Variants in PTPRD observed in about 807,000 individuals in gnomAD.
PTPRD encodes the protein protein tyrosine phosphatase receptor type D.
PTPRD carries 34 observed loss-of-function variants against 214.5 expected under a neutral mutation model. The observed-to-expected ratio is 0.16, with a 90% CI of 0.12 to 0.21. The LOEUF is 0.21. Ranked by LOEUF, PTPRD falls within the 10% of genes least tolerant of loss-of-function variation. The probability of loss-of-function intolerance (pLI) is 1.00; values close to 1 mark genes in which losing one functional copy is unlikely to be tolerated. For synonymous variants in PTPRD, 1,128 were observed against 845.7 expected, an observed-to-expected ratio of 1.33 and a Z score of -5.79; for missense variants, 2,545 against 2,398.7, an observed-to-expected ratio of 1.06 and a Z score of -1.27.
intron 3 of PTPRD, among the ~76,000 whole-genome samples, chr9:10,091,761 T>C (rs1289985448): frequency 7.7e-6 from 1 of 130,140 alleles, no homozygotes; most frequent in Non-Finnish European, 1.6e-5. Flanking sequence ...ATATTCTTCA[T>C]AAATAAGAAT....
chr9:9,814,169 A>G (rs532500863), intron 5 of PTPRD, among the ~76,000 whole-genome samples: 2 of 152,300 alleles, frequency 1.3e-5, no homozygotes, highest in East Asian at 3.9e-4. Flanking sequence ...GCCACATGTG[A>G]CAAGCCAAAA....
intron 10 of PTPRD, among the ~76,000 whole-genome samples, chr9:9,096,117 G>A (rs1412557671): frequency 6.6e-6 from 1 of 152,180 alleles, no homozygotes; most frequent in Non-Finnish European, 1.5e-5. Context: ...ATACAAAGTA[G>A]CAGATATGTA....
At chr9:9,125,945 T>C (rs1047992482) in intron 10 of PTPRD, among the ~76,000 whole-genome samples, 18 of 152,122 alleles carry the variant, frequency 1.2e-4, no homozygotes, top group African/African-American at 4.1e-4. Flanking sequence ...AAGGGGTGAA[T>C]GGTCCAGGCA....
chr9:10,026,460 T>A (rs1411088526), intron 4 of PTPRD, among the ~76,000 whole-genome samples: 1 of 152,196 alleles, frequency 6.6e-6, no homozygotes, highest in Non-Finnish European at 1.5e-5. Flanking sequence ...AAAGTCAAGT[T>A]GCCTGCCTAA....
chr9:8,916,654 T>C (rs1291505245), intron 11 of PTPRD, among the ~76,000 whole-genome samples: 1 of 152,192 alleles, frequency 6.6e-6, no homozygotes, highest in African/African-American at 2.4e-5. Context: ...CAGTGAAATC[T>C]GCTTAATATA....
At chr9:10,140,731 C>A (rs1210894758) in intron 3 of PTPRD, among the ~76,000 whole-genome samples, 1 of 152,112 alleles carries the variant, frequency 6.6e-6, no homozygotes, top group Non-Finnish European at 1.5e-5. Context: ...AAAAGGGAAT[C>A]CTCCCTAACT....
chr9:9,913,134 A>C (rs1330018119), intron 5 of PTPRD, among the ~76,000 whole-genome samples: 1 of 143,598 alleles, frequency 7.0e-6, no homozygotes, highest in Non-Finnish European at 1.5e-5. Flanking sequence ...AATAAAAAAT[A>C]ATTCCAAATT....
intron 11 of PTPRD, among the ~76,000 whole-genome samples, chr9:8,914,052 T>C (rs1190342714): frequency 1.3e-5 from 2 of 152,132 alleles, no homozygotes; most frequent in African/African-American, 4.8e-5. Context: ...ACAATCAGAC[T>C]AATGAATACG....
intron 9 of PTPRD, among the ~76,000 whole-genome samples, chr9:9,223,552 C>G (rs1238110276): frequency 6.6e-6 from 1 of 151,898 alleles, no homozygotes; most frequent in African/African-American, 2.4e-5. Context: ...GATGAAACAG[C>G]CTATGCCTAA....
At chr9:8,565,766 T>A (rs998438199) in intron 14 of PTPRD, among the ~76,000 whole-genome samples, 1 of 152,230 alleles carries the variant, frequency 6.6e-6, no homozygotes, top group African/African-American at 2.4e-5. Context: ...TTGTTCTGCA[T>A]AGTTTATGAG....
At chr9:10,394,065 T>G (rs1359819508) in intron 2 of PTPRD, among the ~76,000 whole-genome samples, 56 of 144,668 alleles carry the variant, frequency 3.9e-4, no homozygotes, top group African/African-American at 1.2e-3. Context: ...ATTATATATA[T>G]ATATATATAT....
chr9:8,658,555 C>T (rs1451526588), intron 12 of PTPRD, among the ~76,000 whole-genome samples: 1 of 151,964 alleles, frequency 6.6e-6, no homozygotes, highest in African/African-American at 2.4e-5. Context: ...TTCAGTATTT[C>T]CTCCAAGAGG....
chr9:8,674,316 G>C (rs1380569470), intron 12 of PTPRD, among the ~76,000 whole-genome samples: 1 of 151,836 alleles, frequency 6.6e-6, no homozygotes. Flanking sequence ...AAATTAGCTG[G>C]GCGTGGTGGC....
At chr9:8,869,997 A>G (rs1196374672) in intron 11 of PTPRD, among the ~76,000 whole-genome samples, 1 of 151,972 alleles carries the variant, frequency 6.6e-6, no homozygotes, top group East Asian at 1.9e-4. Context: ...TGTAGTACAA[A>G]CCCAGCAACC....
intron 3 of PTPRD, among the ~76,000 whole-genome samples, chr9:10,330,650 G>T (rs10959047): frequency 0.35 from 52,424 of 151,374 alleles, 10,161 homozygotes; most frequent in African/African-American, 0.53. Context: ...GTAAGATTTG[G>T]CCACAAGAGA....
intron 14 of PTPRD, among the ~76,000 whole-genome samples, chr9:8,625,183 C>A (rs1309786994): frequency 6.6e-6 from 1 of 151,696 alleles, no homozygotes; most frequent in East Asian, 1.9e-4. Flanking sequence ...TTAAACAGGT[C>A]ATATACAAAC....
chr9:8,579,979 C>T (rs753172644), intron 14 of PTPRD, among the ~76,000 whole-genome samples: 160 of 152,216 alleles, frequency 1.1e-3, no homozygotes, highest in Admixed American at 2.6e-3. Context: ...AGATTTCACT[C>T]CTGGGTGGTA....
At chr9:10,167,942 G>C (rs866290170) in intron 3 of PTPRD, among the ~76,000 whole-genome samples, 2 of 152,196 alleles carry the variant, frequency 1.3e-5, no homozygotes, top group Non-Finnish European at 2.9e-5. Flanking sequence ...GGAGCCTGCA[G>C]TGCATTGCAA....
chr9:8,752,828 C>T (rs1156768585), intron 11 of PTPRD, among the ~76,000 whole-genome samples: 1 of 152,094 alleles, frequency 6.6e-6, no homozygotes, highest in East Asian at 1.9e-4. Context: ...CCAAGTTGAG[C>T]CCAGCTCAAA....
Sources: allele counts gnomAD v4.1 joint callset (sites outside exome capture counted in the v4.1 genomes callset), GRCh38; gene constraint gnomAD v4.1.1; transcripts MANE v1.5; gene names NCBI Gene and HGNC (gene_info 2026-07-23, HGNC 2026-07-21).